Variants in LRFN5 observed in about 807,000 individuals in gnomAD.
The protein encoded by LRFN5 is leucine-rich repeat and fibronectin type-III domain-containing protein 5.
LRFN5 carries 24 observed loss-of-function variants against 45.6 expected under a neutral mutation model. That is an observed-to-expected ratio of 0.53 (90% CI 0.38 to 0.74). LRFN5 has a LOEUF of 0.74. Among genes scored for constraint, LRFN5 ranks in the 30% least tolerant of loss-of-function variants. The pLI, the probability that LRFN5 is intolerant of heterozygous loss-of-function variation, is 0.00. For missense variants in LRFN5, 776 were observed against 861.5 expected (o/e 0.90, Z 1.24); for synonymous variants, 340 against 313.8 (o/e 1.08, Z -0.88).
chr14:41,739,538 T>C (rs531349051), intron 1 of LRFN5, among the ~76,000 whole-genome samples: 62 of 151,204 alleles, frequency 4.1e-4, no homozygotes, highest in African/African-American at 1.5e-3. Flanking sequence ...AAACACAATA[T>C]ACCAAAACTT....
At chr14:41,689,821 G>T (rs1355521581) in intron 1 of LRFN5, among the ~76,000 whole-genome samples, 1 of 147,998 alleles carries the variant, frequency 6.8e-6, no homozygotes, top group Non-Finnish European at 1.5e-5. Flanking sequence ...CGTGAACCCG[G>T]GAGGCGGAGC....
At chr14:41,769,263 C>A (rs2138887335) in intron 2 of LRFN5, among the ~76,000 whole-genome samples, 1 of 152,132 alleles carries the variant, frequency 6.6e-6, no homozygotes, top group South Asian at 2.1e-4. Flanking sequence ...ATGGAATATC[C>A]ACTTGTGATT....
At chr14:41,752,222 C>T (rs531251842) in intron 1 of LRFN5, among the ~76,000 whole-genome samples, 6 of 152,256 alleles carry the variant, frequency 3.9e-5, no homozygotes, top group East Asian at 1.9e-4. Context: ...CCACAATAAA[C>T]TTACATGTGC....
chr14:41,780,079 G>A (rs9323052), intron 2 of LRFN5, among the ~76,000 whole-genome samples: 41,554 of 151,636 alleles, frequency 0.27, 6,876 homozygotes, highest in East Asian at 0.73. Context: ...ATTCTATGCT[G>A]TAAATATCTC....
chr14:41,672,032 A>G (rs920045655), intron 1 of LRFN5, among the ~76,000 whole-genome samples: 1 of 152,194 alleles, frequency 6.6e-6, no homozygotes, highest in Non-Finnish European at 1.5e-5. Flanking sequence ...TTATCTTTCC[A>G]TAAGCCAGAA....
At chr14:41,807,467 G>A (rs1255319072) in intron 2 of LRFN5, among the ~76,000 whole-genome samples, 3 of 152,050 alleles carry the variant, frequency 2.0e-5, no homozygotes, top group East Asian at 1.9e-4. Context: ...AATTATCTTA[G>A]CCATTTGAGG....
chr14:41,800,357 T>C (rs8003763), intron 2 of LRFN5, among the ~76,000 whole-genome samples: 4,564 of 152,116 alleles, frequency 0.03, 243 homozygotes, highest in African/African-American at 0.11. Flanking sequence ...TTTTAGTTTA[T>C]AATTCTGGAC....
chr14:41,618,616 G>T (rs1311780789), intron 1 of LRFN5, among the ~76,000 whole-genome samples: 1 of 152,076 alleles, frequency 6.6e-6, no homozygotes, highest in East Asian at 1.9e-4. Context: ...AACCAGCTGA[G>T]GCTAGCCCAA....
intron 1 of LRFN5, among the ~76,000 whole-genome samples, chr14:41,724,377 A>C (rs1883845094): frequency 6.6e-6 from 1 of 152,230 alleles, no homozygotes; most frequent in Non-Finnish European, 1.5e-5. Flanking sequence ...TTTAGAGCAT[A>C]AGGTTTTTTT....
chr14:41,626,779 C>G (rs1473437202), intron 1 of LRFN5, among the ~76,000 whole-genome samples: 4 of 151,904 alleles, frequency 2.6e-5, no homozygotes. Context: ...ACTGTGTATT[C>G]TAATTTACTC....
chr14:41,782,594 G>GTT (rs1189151195), intron 2 of LRFN5, among the ~76,000 whole-genome samples: 3 of 152,132 alleles, frequency 2.0e-5, no homozygotes, highest in African/African-American at 7.2e-5. Context: ...GTAATTTTTT[G>GTT]TTAAACATCA....
intron 1 of LRFN5, among the ~76,000 whole-genome samples, chr14:41,610,683 A>AAAAAAAAAAAAAAAAAAT (rs1887720009): frequency 1.4e-5 from 2 of 144,660 alleles, no homozygotes; most frequent in Non-Finnish European, 3.0e-5. Flanking sequence ...AAAAAAAAAA[A>AAAAAAAAAAAAAAAAAAT]GTGTATTGCC....
rs145205529 is a variant in LRFN5 at position 41,876,405 on chromosome 14, C to T, written c.-20-10201C>T. Among the ~76,000 whole-genome samples, 1,003 of 150,052 alleles carry T rather than the reference C, an allele frequency of 6.7e-3. 16 individuals carry two copies. Among genetic ancestry groups the T allele is most frequent in the African/African-American group, 0.024 (970 of 40,918 alleles). On this transcript the variant is annotated intron_variant, in intron 2 of 5. Transcript: ENST00000298119. The stretch of plus-strand genomic sequence containing the variant: ...ACGCCCTTCTCCTGCCTCAGCCTCC[C>T]GAGTAGCTGGGACTACAGGTGCCCA...
intron 2 of LRFN5, among the ~76,000 whole-genome samples, chr14:41,859,759 T>G (rs918726507): frequency 3.3e-5 from 5 of 152,246 alleles, no homozygotes; most frequent in African/African-American, 1.2e-4. Context: ...ACATTTCTTT[T>G]TGCTTCTCTT....
intron 1 of LRFN5, among the ~76,000 whole-genome samples, chr14:41,652,238 A>G (rs894515760): frequency 3.9e-5 from 6 of 152,130 alleles, no homozygotes; most frequent in African/African-American, 1.2e-4. Flanking sequence ...TAATCTTTCA[A>G]CATCATATTT....
At chr14:41,610,742 A>G (rs1005952748) in intron 1 of LRFN5, among the ~76,000 whole-genome samples, 6 of 146,042 alleles carry the variant, frequency 4.1e-5, no homozygotes, top group Non-Finnish European at 9.1e-5. Flanking sequence ...TTGGGAATAA[A>G]TTTAAAAAAG....
intron 2 of LRFN5, among the ~76,000 whole-genome samples, chr14:41,786,354 TA>T: frequency 6.6e-6 from 1 of 152,036 alleles, no homozygotes; most frequent in East Asian, 1.9e-4. Context: ...AAAAAGTAAT[TA>T]TTTTTCATAT....
At chr14:41,895,129 C>A in intron 4 of LRFN5, 2 of 810,502 alleles carry the variant, frequency 2.5e-6, no homozygotes, top group Non-Finnish European at 3.0e-6. Flanking sequence ...AAATTGTGTT[C>A]CTGCATTATT....
intron 2 of LRFN5, among the ~76,000 whole-genome samples, chr14:41,856,081 A>G (rs1020555521): frequency 4.6e-5 from 7 of 152,202 alleles, no homozygotes; most frequent in Admixed American, 2.0e-4. Flanking sequence ...ATCAATGCGT[A>G]GTCGAATTTC....
Sources: allele counts gnomAD v4.1 joint callset (sites outside exome capture counted in the v4.1 genomes callset), GRCh38; gene constraint gnomAD v4.1.1; transcripts MANE v1.5; gene names NCBI Gene and HGNC (gene_info 2026-07-23, HGNC 2026-07-21).